NRG3: variants seen among roughly 807,000 people sequenced by gnomAD.
NRG3 encodes the protein pro-neuregulin-3, membrane-bound isoform.
In NRG3, 31 loss-of-function variants were observed where a neutral mutation model predicts 66.9. That is an observed-to-expected ratio of 0.46 (90% CI 0.35 to 0.63). The LOEUF is 0.63. Among genes scored for constraint, NRG3 ranks in the 20% least tolerant of loss-of-function variants. The probability of loss-of-function intolerance (pLI) is 0.00; values close to 1 mark genes in which losing one functional copy is unlikely to be tolerated. For missense variants in NRG3, 910 were observed against 878.9 expected (o/e 1.04, Z -0.45); for synonymous variants, 393 against 359.4 (o/e 1.09, Z -1.06).
chr10:82,622,317 G>A (rs1356672498), intron 2 of NRG3, among the ~76,000 whole-genome samples: 1 of 151,846 alleles, frequency 6.6e-6, no homozygotes, highest in East Asian at 1.9e-4. Context: ...TTCAGGAGGT[G>A]GGGGTGGGAG....
intron 4 of NRG3, among the ~76,000 whole-genome samples, chr10:82,913,821 T>A (rs1009174252): frequency 1.3e-5 from 2 of 152,198 alleles, no homozygotes; most frequent in African/African-American, 4.8e-5. Context: ...GCTTCCTGGA[T>A]CTGTGGTTTT....
chr10:82,984,879 C>T, intron 8 of NRG3: 1 of 1,389,306 alleles, frequency 7.2e-7, no homozygotes, highest in Non-Finnish European at 1.0e-6. Context: ...GTTTGAGTCT[C>T]AGTCTGTCAC....
intron 1 of NRG3, among the ~76,000 whole-genome samples, chr10:82,191,660 C>T (rs976147287): frequency 6.6e-6 from 1 of 152,142 alleles, no homozygotes; most frequent in Non-Finnish European, 1.5e-5. Context: ...GGTAACTCTA[C>T]AAGAGGGAAC....
At chr10:82,281,560 T>C (rs1351138316) in intron 1 of NRG3, among the ~76,000 whole-genome samples, 1 of 152,098 alleles carries the variant, frequency 6.6e-6, no homozygotes, top group Non-Finnish European at 1.5e-5. Flanking sequence ...AGGGACTCTT[T>C]TAATAAGACT....
intron 1 of NRG3, among the ~76,000 whole-genome samples, chr10:81,913,421 T>A (rs566465003): frequency 6.6e-6 from 1 of 151,700 alleles, no homozygotes; most frequent in African/African-American, 2.4e-5. Flanking sequence ...CTCAGGACTT[T>A]TTTCTTTTTT....
At chr10:82,926,906 T>C (rs1046879746) in intron 4 of NRG3, among the ~76,000 whole-genome samples, 2 of 152,194 alleles carry the variant, frequency 1.3e-5, no homozygotes, top group Admixed American at 1.3e-4. Flanking sequence ...CTGTGTCTCT[T>C]TGTCTTTATT....
intron 2 of NRG3, among the ~76,000 whole-genome samples, chr10:82,504,267 G>A (rs1844471007): frequency 6.6e-6 from 1 of 152,126 alleles, no homozygotes; most frequent in Admixed American, 6.5e-5. Context: ...TTCTTGTGTT[G>A]GGAAGAGCCA....
intron 2 of NRG3, among the ~76,000 whole-genome samples, chr10:82,409,528 A>C (rs1342451494): frequency 1.3e-5 from 2 of 152,166 alleles, no homozygotes; most frequent in African/African-American, 4.8e-5. Context: ...ACATTCTTTC[A>C]TGAAGGACGT....
At chr10:82,587,932 T>G (rs1243615570) in intron 2 of NRG3, among the ~76,000 whole-genome samples, 1 of 152,238 alleles carries the variant, frequency 6.6e-6, no homozygotes, top group Non-Finnish European at 1.5e-5. Context: ...TTTTTTTGTG[T>G]TGTTTTACAA....
intron 2 of NRG3, among the ~76,000 whole-genome samples, chr10:82,427,597 G>A (rs1397512031): frequency 6.6e-6 from 1 of 152,004 alleles, no homozygotes; most frequent in African/African-American, 2.4e-5. Flanking sequence ...CTATTTTGTT[G>A]AGTTGTATTT....
At chr10:82,483,663 C>A (rs185831945) in intron 2 of NRG3, among the ~76,000 whole-genome samples, 291 of 152,272 alleles carry the variant, frequency 1.9e-3, no homozygotes, top group African/African-American at 6.6e-3. Context: ...AAAGGTTTTC[C>A]TCTCTGTCAC....
intron 2 of NRG3, among the ~76,000 whole-genome samples, chr10:82,398,005 C>T (rs1446706022): frequency 6.6e-6 from 1 of 152,160 alleles, no homozygotes; most frequent in Non-Finnish European, 1.5e-5. Context: ...AGGAGAGTAG[C>T]CCAGTTCTGA....
At chr10:82,531,736 T>C (rs1590523468) in intron 2 of NRG3, among the ~76,000 whole-genome samples, 1 of 151,866 alleles carries the variant, frequency 6.6e-6, no homozygotes, top group Admixed American at 6.6e-5. Context: ...TTTTTTAAAA[T>C]AACGTATTTT....
rs556779455 is a variant in NRG3 at position 82,690,554 on chromosome 10, T to G, written c.954-48023T>G. Among the ~76,000 whole-genome samples the G allele has an allele frequency of 2.6e-5, 4 of 152,244 alleles. No individual in the cohort carries two copies. The South Asian group carries it at 8.3e-4, about 32-fold the overall frequency. On this transcript the variant is annotated intron_variant, in intron 2 of 8. Transcript: ENST00000372141. ...TCAATTATATATTATAAAGCAGAAT[T>G]TATAATTCTACATAGAGTGTAACTG...
intron 2 of NRG3, among the ~76,000 whole-genome samples, chr10:82,731,279 A>G (rs1004211090): frequency 6.7e-6 from 1 of 150,272 alleles, no homozygotes; most frequent in African/African-American, 2.5e-5. Flanking sequence ...AGGCAGGAGA[A>G]TTGCTTGAGC....
At chr10:82,883,335 G>A (rs1339253000) in intron 4 of NRG3, among the ~76,000 whole-genome samples, 1 of 152,172 alleles carries the variant, frequency 6.6e-6, no homozygotes, top group African/African-American at 2.4e-5. Flanking sequence ...TCGGAGATCA[G>A]CAAGTTGAAC....
At chr10:82,330,692 T>A (rs555934913) in intron 1 of NRG3, among the ~76,000 whole-genome samples, 1 of 152,360 alleles carries the variant, frequency 6.6e-6, no homozygotes, top group South Asian at 2.1e-4. Flanking sequence ...TACTGTTTCC[T>A]ACCTCGTTGT....
intron 1 of NRG3, among the ~76,000 whole-genome samples, chr10:82,268,963 T>C (rs1409226275): frequency 1.3e-5 from 2 of 152,140 alleles, no homozygotes; most frequent in Non-Finnish European, 1.5e-5. Context: ...CTCCCTGCTA[T>C]TTATTGTTTC....
intron 1 of NRG3, among the ~76,000 whole-genome samples, chr10:82,099,194 TTC>T (rs1172384303): frequency 5.0e-4 from 76 of 152,334 alleles, no homozygotes; most frequent in African/African-American, 1.8e-3. Flanking sequence ...CATGAAGATT[TTC>T]TCTTTTTTCT....
Sources: allele counts gnomAD v4.1 joint callset (sites outside exome capture counted in the v4.1 genomes callset), GRCh38; gene constraint gnomAD v4.1.1; transcripts MANE v1.5; gene names NCBI Gene and HGNC (gene_info 2026-07-23, HGNC 2026-07-21).